CDYL: variants seen among roughly 807,000 people sequenced by gnomAD.
CDYL encodes the protein chromodomain Y-like protein.
Under a neutral mutation model 47.3 loss-of-function variants are expected in CDYL, and 8 were observed. That is an observed-to-expected ratio of 0.17 (90% confidence interval 0.10 to 0.31). The LOEUF is 0.31. CDYL is among the 10% of genes least tolerant of loss of function. The pLI, the probability that CDYL is intolerant of heterozygous loss-of-function variation, is 1.00. For synonymous variants in CDYL, 266 were observed against 265.0 expected, an observed-to-expected ratio of 1.00 and a Z score of -0.04; for missense variants, 471 against 701.4, an observed-to-expected ratio of 0.67 and a Z score of 3.71.
chr6:4,883,536 G>A (rs1761820751), intron 1 of CDYL, among the ~76,000 whole-genome samples: 1 of 152,168 alleles, frequency 6.6e-6, no homozygotes, highest in East Asian at 1.9e-4. Flanking sequence ...CATGGCCATG[G>A]CACAGATGAG....
chr6:4,937,353 A>C (rs2127520848), intron 3 of CDYL, among the ~76,000 whole-genome samples: 1 of 152,056 alleles, frequency 6.6e-6, no homozygotes, highest in Non-Finnish European at 1.5e-5. Flanking sequence ...AAAATGAGCC[A>C]GGCATGATAG....
intron 2 of CDYL, among the ~76,000 whole-genome samples, chr6:4,928,201 C>T (rs1443823626): frequency 1.3e-5 from 2 of 152,172 alleles, no homozygotes; most frequent in South Asian, 2.1e-4. Flanking sequence ...AAAGAGAAAT[C>T]ACTTTACAGT....
At chr6:4,744,080 G>A (rs1219785054) in intron 3 of CDYL, among the ~76,000 whole-genome samples, 1 of 152,162 alleles carries the variant, frequency 6.6e-6, no homozygotes, top group Admixed American at 6.5e-5. Flanking sequence ...GCAGAGGCTG[G>A]TGAAGGAGGG....
chr6:4,821,666 G>A (rs1281449918), intron 1 of CDYL, among the ~76,000 whole-genome samples: 1 of 151,818 alleles, frequency 6.6e-6, no homozygotes, highest in Non-Finnish European at 1.5e-5. Flanking sequence ...AACTCGGGAG[G>A]CGGAGGTTGC....
chr6:4,895,067 A>G (rs1581243487), intron 2 of CDYL, among the ~76,000 whole-genome samples: 3 of 85,602 alleles, frequency 3.5e-5, no homozygotes, highest in Admixed American at 3.0e-4. Flanking sequence ...ATATGGGTAT[A>G]TATGTATCTA....
intron 1 of CDYL, among the ~76,000 whole-genome samples, chr6:4,861,108 G>T (rs961344457): frequency 6.6e-6 from 1 of 152,164 alleles, no homozygotes; most frequent in Admixed American, 6.5e-5. Flanking sequence ...TGATGCAGAG[G>T]ATCTAAAAAT....
At chr6:4,744,193 A>G (rs1217408867) in intron 3 of CDYL, among the ~76,000 whole-genome samples, 1 of 152,158 alleles carries the variant, frequency 6.6e-6, no homozygotes, top group Admixed American at 6.6e-5. Flanking sequence ...CCAGAATCTG[A>G]CTATAAAATT....
At chr6:4,898,670 G>T (rs1330970910) in intron 2 of CDYL, among the ~76,000 whole-genome samples, 2 of 152,128 alleles carry the variant, frequency 1.3e-5, no homozygotes, top group African/African-American at 2.4e-5. Flanking sequence ...GAGCATAGTG[G>T]TCCGCAAACC....
chr6:4,750,655 A>G (rs537050447), intron 3 of CDYL, among the ~76,000 whole-genome samples: 1 of 152,202 alleles, frequency 6.6e-6, no homozygotes, highest in African/African-American at 2.4e-5. Context: ...TCAAATTAAT[A>G]TATGTGATGT....
At chr6:4,825,454 C>A (rs940406935) in intron 1 of CDYL, among the ~76,000 whole-genome samples, 1 of 152,144 alleles carries the variant, frequency 6.6e-6, no homozygotes, top group South Asian at 2.1e-4. Context: ...ATACACTTCA[C>A]AATTGAGTGT....
At chr6:4,812,185 T>C (rs1466704472) in intron 1 of CDYL, among the ~76,000 whole-genome samples, 1 of 152,238 alleles carries the variant, frequency 6.6e-6, no homozygotes, top group Non-Finnish European at 1.5e-5. Context: ...ACAAACGATA[T>C]GATGTAACTT....
intron 2 of CDYL, chr6:4,718,603 T>C (rs1197049614): frequency 6.7e-6 from 1 of 149,406 alleles, no homozygotes; most frequent in African/African-American, 2.5e-5. Flanking sequence ...ATCTGAAAAG[T>C]ATAAAAAAGG....
At position 4,849,984 on chromosome 6, in the gene CDYL, G is replaced by A. The variant is rs889750917; in HGVS notation, c.25-41729G>A. Reference sequence around the variant, plus strand: ...TCCAGCCCTACCACTAACTAGAGTGGACTAGCTGGGTGACTTCATTTAACT... The same window carrying A: ...TCCAGCCCTACCACTAACTAGAGTGAACTAGCTGGGTGACTTCATTTAACT... On this transcript the variant is annotated intron_variant, in intron 1 of 6. Transcript: ENST00000397588. Among the ~76,000 whole-genome samples, 7 of 152,254 alleles carry A rather than the reference G, an allele frequency of 4.6e-5. No individual in the cohort carries two copies. In the East Asian group the frequency reaches 1.4e-3, roughly 29 times the overall value.
At chr6:4,848,474 A>G (rs1561667862) in intron 1 of CDYL, among the ~76,000 whole-genome samples, 1 of 152,242 alleles carries the variant, frequency 6.6e-6, no homozygotes, top group Non-Finnish European at 1.5e-5. Flanking sequence ...TAGTGTTGAA[A>G]ATGTTCTTTT....
intron 1 of CDYL, among the ~76,000 whole-genome samples, chr6:4,846,181 C>CT (rs1451557334): frequency 7.1e-6 from 1 of 140,428 alleles, no homozygotes; most frequent in Non-Finnish European, 1.5e-5. Context: ...GTACTGCCTT[C>CT]TTAAAAAAAA....
At chr6:4,936,657 T>TA (rs1407353044) in intron 3 of CDYL, among the ~76,000 whole-genome samples, 1 of 152,336 alleles carries the variant, frequency 6.6e-6, no homozygotes, top group East Asian at 1.9e-4. Flanking sequence ...TTAACGCACT[T>TA]ACGCACCAAA....
chr6:4,764,884 C>T (rs1199810641), intron 3 of CDYL, among the ~76,000 whole-genome samples: 1 of 152,060 alleles, frequency 6.6e-6, no homozygotes, highest in African/African-American at 2.4e-5. Flanking sequence ...AGAGAGAAAA[C>T]ACTGCATAAC....
chr6:4,868,875 ACT>A (rs1475180205), intron 1 of CDYL, among the ~76,000 whole-genome samples: 2 of 151,998 alleles, frequency 1.3e-5, no homozygotes, highest in African/African-American at 2.4e-5. Context: ...TGAAATACTG[ACT>A]CTTTTACCAT....
At chr6:4,713,589 CTTT>C (rs11375423) in intron 1 of CDYL, among the ~76,000 whole-genome samples, 30 of 113,642 alleles carry the variant, frequency 2.6e-4, no homozygotes, top group South Asian at 2.2e-3. Context: ...CATTTAGATT[CTTT>C]TTTTTTTTTT....
Sources: allele counts gnomAD v4.1 joint callset (sites outside exome capture counted in the v4.1 genomes callset), GRCh38; gene constraint gnomAD v4.1.1; transcripts MANE v1.5; gene names NCBI Gene and HGNC (gene_info 2026-07-23, HGNC 2026-07-21).